The following IQCM variants were observed in gnomAD, a reference collection of about 807,000 sequenced individuals.
The protein encoded by IQCM is IQ domain-containing protein M.
IQCM carries 45 observed loss-of-function variants against 57.6 expected under a neutral mutation model. That is an observed-to-expected ratio of 0.78 (90% CI 0.62 to 1.00). The LOEUF is 1.00. Among genes scored for constraint, IQCM ranks in the 50% least tolerant of loss-of-function variants. The pLI, the probability that IQCM is intolerant of heterozygous loss-of-function variation, is 0.00. For synonymous variants in IQCM, 148 were observed against 158.9 expected (o/e 0.93, Z 0.51); for missense variants, 468 against 511.6 (o/e 0.91, Z 0.82).
intron 13 of IQCM, among the ~76,000 whole-genome samples, chr4:149,369,980 C>T (rs1394784076): frequency 6.6e-6 from 1 of 152,196 alleles, no homozygotes; most frequent in Non-Finnish European, 1.5e-5. Context: ...ACTGCAGCCT[C>T]AGTCTCCTGG....
At chr4:149,620,167 A>G (rs1159220517) in intron 8 of IQCM, among the ~76,000 whole-genome samples, 1 of 152,198 alleles carries the variant, frequency 6.6e-6, no homozygotes, top group Non-Finnish European at 1.5e-5. Context: ...AAAAACAAAA[A>G]AAAAAGAAAA....
In IQCM at chr4:149,637,900, A is replaced by C. The variant is rs12331063; in HGVS notation, c.566-16656T>G. On this transcript the variant is annotated intron_variant, in intron 7 of 13. Transcript: ENST00000636793. The stretch of plus-strand genomic sequence containing the variant: ...AAGAATAACTATAGAAAATATTCAC[A>C]ACCCTGGAACAGACAAAACAAAATC... 9.7e-3 allele frequency among the ~76,000 whole-genome samples: 1,485 copies of C among 152,332 alleles called. 29 individuals carry two copies. Among genetic ancestry groups the C allele is most frequent in the African/African-American group, 0.034 (1,411 of 41,588 alleles).
At chr4:149,621,541 C>T (rs948870503) in intron 7 of IQCM, among the ~76,000 whole-genome samples, 2 of 152,072 alleles carry the variant, frequency 1.3e-5, no homozygotes, top group African/African-American at 4.8e-5. Context: ...TGAAGAACAT[C>T]AACTTCTTTT....
chr4:149,570,437 A>G (rs1484604974), intron 9 of IQCM, among the ~76,000 whole-genome samples: 1 of 152,076 alleles, frequency 6.6e-6, no homozygotes, highest in African/African-American at 2.4e-5. Context: ...GGGATTGCCA[A>G]CTAATGGAAT....
At chr4:149,616,814 G>A (rs941962985) in intron 8 of IQCM, among the ~76,000 whole-genome samples, 22 of 152,116 alleles carry the variant, frequency 1.4e-4, no homozygotes, top group Middle Eastern at 6.8e-3. Flanking sequence ...GTTCCAGGTT[G>A]ATAGGTGCAG....
At chr4:149,538,470 C>T (rs1747523876) in intron 12 of IQCM, among the ~76,000 whole-genome samples, 1 of 151,692 alleles carries the variant, frequency 6.6e-6, no homozygotes. Flanking sequence ...AAAGGAGGAA[C>T]ACGGGGACAA....
intron 4 of IQCM, among the ~76,000 whole-genome samples, chr4:149,735,006 G>A (rs1766802878): frequency 6.6e-6 from 1 of 152,094 alleles, no homozygotes; most frequent in South Asian, 2.1e-4. Context: ...CATGCTAAGG[G>A]TATAGAAGAG....
intron 2 of IQCM, among the ~76,000 whole-genome samples, chr4:149,812,714 C>T (rs1774697184): frequency 6.6e-6 from 1 of 152,046 alleles, no homozygotes; most frequent in African/African-American, 2.4e-5. Flanking sequence ...TGACAGTGTA[C>T]TTTATTTCTG....
In IQCM at chr4:149,396,644, A is replaced by G. The variant is rs942650587; in HGVS notation, c.1390+36752T>C. ...CAATATGTTGTTATTGACTATAGGT[A>G]CAGTGGATCTCTAGAGCTTATTTGT... On this transcript the variant is annotated intron_variant, in intron 13 of 13. Transcript: ENST00000636793. 7.9e-5 allele frequency among the ~76,000 whole-genome samples: 12 copies of G among 152,050 alleles called. No individual in the cohort carries two copies. The South Asian group carries it at 2.5e-3, about 31-fold the overall frequency.
intron 13 of IQCM, among the ~76,000 whole-genome samples, chr4:149,360,907 A>C (rs1729433754): frequency 6.6e-6 from 1 of 152,226 alleles, no homozygotes; most frequent in Non-Finnish European, 1.5e-5. Context: ...AAGTTGGAAC[A>C]GTTTGGAGGG....
intron 12 of IQCM, among the ~76,000 whole-genome samples, chr4:149,500,240 C>A (rs1743100400): frequency 6.6e-6 from 1 of 152,272 alleles, no homozygotes; most frequent in South Asian, 2.1e-4. Context: ...TGCAGAGGAA[C>A]AATTTACATT....
At chr4:149,679,032 A>C (rs1004607017) in intron 7 of IQCM, among the ~76,000 whole-genome samples, 1 of 151,726 alleles carries the variant, frequency 6.6e-6, no homozygotes, top group African/African-American at 2.4e-5. Context: ...GCTATTGGGT[A>C]TATATCTTTT....
chr4:149,597,930 G>T (rs1753929840), intron 8 of IQCM, among the ~76,000 whole-genome samples: 1 of 151,908 alleles, frequency 6.6e-6, no homozygotes, highest in South Asian at 2.1e-4. Context: ...CAAAAAAAAA[G>T]TTCTTAGAAA....
rs140943120 is a variant in IQCM, at chr4:149,745,982, A to G, written c.-48-3243T>C. Among the ~76,000 whole-genome samples the G allele has an allele frequency of 1.9e-3, 295 of 152,118 alleles. 2 individuals are homozygous for G. Among genetic ancestry groups the G allele is most frequent in the African/African-American group, 6.7e-3 (278 of 41,484 alleles). On this transcript the variant is annotated intron_variant, in intron 2 of 13. Transcript: ENST00000636793. ...GTGAGACCCTGTCTCAAAGAAAAGA[A>G]AAAGACAAGACAAGCCAAGGCTTTA...
intron 9 of IQCM, among the ~76,000 whole-genome samples, chr4:149,568,348 T>C (rs936430922): frequency 6.6e-6 from 1 of 152,212 alleles, no homozygotes; most frequent in Non-Finnish European, 1.5e-5. Flanking sequence ...ACAAGACTCA[T>C]GATCCTTGAC....
At chr4:149,562,651 A>G (rs1422384027) in intron 10 of IQCM, among the ~76,000 whole-genome samples, 1 of 152,196 alleles carries the variant, frequency 6.6e-6, no homozygotes, top group Non-Finnish European at 1.5e-5. Flanking sequence ...GCAATGAAAT[A>G]GATATAGCAG....
intron 13 of IQCM, among the ~76,000 whole-genome samples, chr4:149,425,880 ATTTAT>A (rs1734429681): frequency 6.6e-6 from 1 of 152,014 alleles, no homozygotes; most frequent in African/African-American, 2.4e-5. Context: ...TATTATACAG[ATTTAT>A]TTTATAACTA....
At position 149,413,901 on chromosome 4, in the gene IQCM, C is replaced by T. The variant is rs540444982; in HGVS notation, c.1390+19495G>A. 4.8e-4 allele frequency among the ~76,000 whole-genome samples: 73 copies of T among 152,188 alleles called. 1 individual carries two copies. In the South Asian group the frequency reaches 0.015, roughly 32 times the overall value. On this transcript the variant is annotated intron_variant, in intron 13 of 13. Coordinates refer to ENST00000636793, the MANE Select transcript of IQCM (RefSeq NM_001363507.2). ...TAAAATAACTAAACATTTCATGCAT[C>T]TGGAGATAGGTGCAAAATTGCTATC...
At chr4:149,559,179 T>C (rs1394923361) in intron 10 of IQCM, among the ~76,000 whole-genome samples, 1 of 152,182 alleles carries the variant, frequency 6.6e-6, no homozygotes, top group Non-Finnish European at 1.5e-5. Flanking sequence ...TGAAAAAGCA[T>C]ACTAGTTGTT....
Sources: allele counts gnomAD v4.1 joint callset (sites outside exome capture counted in the v4.1 genomes callset), GRCh38; gene constraint gnomAD v4.1.1; transcripts MANE v1.5; gene names NCBI Gene and HGNC (gene_info 2026-07-23, HGNC 2026-07-21).